TMC1: variants seen among roughly 807,000 people sequenced by gnomAD.
The protein encoded by TMC1 is transmembrane channel like 1.
In TMC1, 84 loss-of-function variants were observed where a neutral mutation model predicts 105.8. The ratio of observed to expected loss-of-function variants is 0.79; its 90% CI spans 0.67 to 0.95. The LOEUF is 0.95. TMC1 is among the 40% of genes least tolerant of loss of function. TMC1 has a pLI of 0.00. For missense variants in TMC1, 817 were observed against 914.1 expected, an observed-to-expected ratio of 0.89 and a Z score of 1.37; for synonymous variants, 315 against 311.5, an observed-to-expected ratio of 1.01 and a Z score of -0.12.
At chr9:72,536,171 A>T (rs1823581637) in intron 1 of TMC1, among the ~76,000 whole-genome samples, 1 of 152,248 alleles carries the variant, frequency 6.6e-6, no homozygotes, top group South Asian at 2.1e-4. Flanking sequence ...GACTCAAGGC[A>T]ACTTCTTTAC....
chr9:72,826,784 A>G (rs1241963366), intron 20 of TMC1, 85 bp from the exon 21 acceptor site: 1 of 1,443,664 alleles, frequency 6.9e-7, no homozygotes, highest in Non-Finnish European at 9.7e-7. Flanking sequence ...GCAGTAATTG[A>G]GAAAGATTTC....
At chr9:72,626,491 C>A (rs1825349380) in intron 3 of TMC1, among the ~76,000 whole-genome samples, 1 of 152,060 alleles carries the variant, frequency 6.6e-6, no homozygotes, top group Non-Finnish European at 1.5e-5. Flanking sequence ...ACAATAGCAC[C>A]TTTAGTAACA....
chr9:72,558,028 C>T (rs1240118072), intron 1 of TMC1, among the ~76,000 whole-genome samples: 1 of 152,094 alleles, frequency 6.6e-6, no homozygotes. Flanking sequence ...AGAGGCTTCC[C>T]TGGCACTGTA....
intron 1 of TMC1, among the ~76,000 whole-genome samples, chr9:72,546,949 AT>A (rs1469234009): frequency 2.4e-4 from 37 of 152,282 alleles, no homozygotes; most frequent in African/African-American, 8.7e-4. Context: ...TTTCATTGTT[AT>A]ACTTACAATC....
At chr9:72,687,216 A>G (rs1826392743) in intron 5 of TMC1, among the ~76,000 whole-genome samples, 1 of 152,208 alleles carries the variant, frequency 6.6e-6, no homozygotes, top group South Asian at 2.1e-4. Flanking sequence ...TTGGTTGTGC[A>G]TATCGCAAAG....
intron 8 of TMC1, among the ~76,000 whole-genome samples, chr9:72,719,229 C>T (rs1042882491): frequency 1.3e-5 from 2 of 152,162 alleles, no homozygotes; most frequent in African/African-American, 2.4e-5. Flanking sequence ...TGGTTGGAAT[C>T]GTTACAGAGT....
chr9:72,785,784 G>A (rs1828159087), intron 13 of TMC1, among the ~76,000 whole-genome samples: 1 of 152,128 alleles, frequency 6.6e-6, no homozygotes. Flanking sequence ...AACATGAATT[G>A]TTTATTTCTA....
chr9:72,550,141 C>A (rs142237537), intron 1 of TMC1, among the ~76,000 whole-genome samples: 26 of 152,164 alleles, frequency 1.7e-4, no homozygotes, highest in African/African-American at 6.0e-4. Context: ...AAAGGTGAAG[C>A]AGGACTTTTT....
At chr9:72,558,987 T>C (rs1315816115) in intron 1 of TMC1, among the ~76,000 whole-genome samples, 5 of 152,200 alleles carry the variant, frequency 3.3e-5, no homozygotes, top group African/African-American at 9.7e-5. Flanking sequence ...TTCTGCCTTA[T>C]AAGAATTGTT....
At chr9:72,800,100 A>C (rs1828444854) in intron 17 of TMC1, among the ~76,000 whole-genome samples, 1 of 152,200 alleles carries the variant, frequency 6.6e-6, no homozygotes, top group African/African-American at 2.4e-5. Flanking sequence ...AACTGTAAGA[A>C]GATAAATTTG....
chr9:72,726,600 A>G (rs1047781185), intron 8 of TMC1, among the ~76,000 whole-genome samples: 1 of 152,196 alleles, frequency 6.6e-6, no homozygotes, highest in African/African-American at 2.4e-5. Context: ...TCATGTGGCA[A>G]ACAATCAAAT....
At chr9:72,726,581 C>A (rs1415346694) in intron 8 of TMC1, among the ~76,000 whole-genome samples, 1 of 152,152 alleles carries the variant, frequency 6.6e-6, no homozygotes, top group Non-Finnish European at 1.5e-5. Flanking sequence ...TCTTCCATGT[C>A]TAAGTTTGTC....
At chr9:72,650,799 G>C (rs1463971346) in intron 5 of TMC1, among the ~76,000 whole-genome samples, 1 of 149,236 alleles carries the variant, frequency 6.7e-6, no homozygotes, top group Non-Finnish European at 1.5e-5. Flanking sequence ...ATGTCTTCCA[G>C]CTCCATCCAC....
At chr9:72,756,949 T>C (rs754060824) in intron 12 of TMC1, among the ~76,000 whole-genome samples, 6 of 152,052 alleles carry the variant, frequency 3.9e-5, no homozygotes, top group Non-Finnish European at 8.8e-5. Flanking sequence ...GGATGATGAG[T>C]GTGCTTCCCA....
At position 72,570,226 on chromosome 9, in the gene TMC1, G is replaced by GT. The variant is rs61007267; in HGVS notation, c.-427-7676_-427-7675insT. ...TCTTTGAAAGGGGGTGGGGCTCAAA[G>GT]AGTAGTGTGTGTGTGTGTGTGTGTG... On this transcript the variant is annotated intron_variant, in intron 1 of 23. Coordinates refer to ENST00000297784, the MANE Select transcript of TMC1 (RefSeq NM_138691.3). Among the ~76,000 whole-genome samples, 1,007 of 115,812 alleles carry GT rather than the reference G, an allele frequency of 8.7e-3. 14 individuals carry two copies. The highest frequency in any genetic ancestry group is 0.035 in the African/African-American group (966 of 27,486). The allele number at this position is 115,812 out of a possible 152,430, so 76.0% of individuals were successfully genotyped here. A position where few individuals can be genotyped will look rare whatever the true frequency, so the allele number is the denominator to read the frequency against.
At chr9:72,802,779 T>C (rs1351815004) in intron 17 of TMC1, among the ~76,000 whole-genome samples, 1 of 151,906 alleles carries the variant, frequency 6.6e-6, no homozygotes, top group Non-Finnish European at 1.5e-5. Context: ...ATAGGAAAAA[T>C]CAATATTGTG....
chr9:72,742,333 G>C, intron 9 of TMC1, 111 bp from the exon 10 acceptor site: 1 of 849,858 alleles, frequency 1.2e-6, no homozygotes. Flanking sequence ...AGTATTTGCT[G>C]CCAGAGAGAC....
At chr9:72,635,007 C>T (rs958990518) in intron 4 of TMC1, among the ~76,000 whole-genome samples, 30 of 152,040 alleles carry the variant, frequency 2.0e-4, no homozygotes, top group African/African-American at 6.0e-4. Flanking sequence ...CTGTAATCCC[C>T]GCACATTGGG....
rs1829154496 is a variant in TMC1 at position 72,838,201 on chromosome 9, T to C, written c.*2228T>C. 2 of 152,258 alleles carry C rather than the reference T, an allele frequency of 1.3e-5. No individual in the cohort carries two copies. The allele number at this position is 152,258 out of a possible 1,614,324, so 9.4% of individuals were successfully genotyped here. A position where few individuals can be genotyped will look rare whatever the true frequency, so the allele number is the denominator to read the frequency against. ...CCTGCATGAAAACATTTTACTATGA[T>C]GTAAGAAATGGATTATCTGTTGATA... On this transcript the variant is annotated 3_prime_UTR_variant, in exon 24 of 24. Transcript: ENST00000297784.
Sources: gnomAD v4.1 joint callset for allele counts (sites outside exome capture counted in the v4.1 genomes callset) on GRCh38, gnomAD v4.1.1 for gene constraint, MANE v1.5 for transcripts, NCBI Gene and HGNC (gene_info 2026-07-23, HGNC 2026-07-21) for gene names.